Variants in HMG20A observed in about 807,000 individuals in gnomAD.
HMG20A encodes the protein high mobility group protein 20A.
In HMG20A, 17 loss-of-function variants were observed where a neutral mutation model predicts 43.9. The ratio of observed to expected loss-of-function variants is 0.39; its 90% CI spans 0.27 to 0.58. HMG20A has a LOEUF of 0.58. Among genes scored for constraint, HMG20A ranks in the 20% least tolerant of loss-of-function variants. HMG20A has a pLI of 0.59. For synonymous variants in HMG20A, 132 were observed against 147.5 expected, an observed-to-expected ratio of 0.89 and a Z score of 0.76; for missense variants, 341 against 438.2, an observed-to-expected ratio of 0.78 and a Z score of 1.98.
chr15:77,471,861 T>C, intron 6 of HMG20A, 47 bp downstream of exon 6: 3 of 1,118,814 alleles, frequency 2.7e-6, no homozygotes, highest in Non-Finnish European at 3.8e-6. Context: ...TTTATAATAA[T>C]GTTGCTTTTT....
the HMG20A span, among the ~76,000 whole-genome samples, chr15:77,519,548 A>G: frequency 6.6e-6 from 1 of 152,172 alleles, no homozygotes; most frequent in Admixed American, 6.5e-5. Flanking sequence ...ATGTCCTTAT[A>G]AAAGAGGCTC....
intron 1 of HMG20A, among the ~76,000 whole-genome samples, chr15:77,444,600 A>G (rs953206927): frequency 1.3e-5 from 2 of 152,198 alleles, no homozygotes; most frequent in African/African-American, 4.8e-5. Context: ...TTACTATGGT[A>G]GGGTGAGAAC....
At chr15:77,472,234 G>T (rs147914526) in intron 6 of HMG20A, among the ~76,000 whole-genome samples, 1 of 152,258 alleles carries the variant, frequency 6.6e-6, no homozygotes, top group African/African-American at 2.4e-5. Context: ...AATGTCGATA[G>T]AGCACAAGCG....
intron 1 of HMG20A, among the ~76,000 whole-genome samples, chr15:77,422,123 G>C (rs1020679623): frequency 6.6e-6 from 1 of 152,176 alleles, no homozygotes; most frequent in Non-Finnish European, 1.5e-5. Context: ...ATACTTAGAA[G>C]GGTGTGTGTC....
At chr15:77,466,618 TTTC>T (rs1365078546) in intron 3 of HMG20A, among the ~76,000 whole-genome samples, 3 of 152,182 alleles carry the variant, frequency 2.0e-5, no homozygotes, top group Non-Finnish European at 4.4e-5. Context: ...CTACAACTTG[TTTC>T]TTCTTTTGCC....
At chr15:77,501,637 A>T in the HMG20A span, among the ~76,000 whole-genome samples, 1 of 152,218 alleles carries the variant, frequency 6.6e-6, no homozygotes, top group Non-Finnish European at 1.5e-5. Context: ...CTCTAGATTC[A>T]GATATGTGAC....
intron 1 of HMG20A, among the ~76,000 whole-genome samples, chr15:77,437,739 T>C (rs2073564739): frequency 6.6e-6 from 1 of 151,712 alleles, no homozygotes; most frequent in Non-Finnish European, 1.5e-5. Flanking sequence ...ACCTGACTAA[T>C]GTTTGTATTT....
At chr15:77,504,888 T>C in the HMG20A span, among the ~76,000 whole-genome samples, 3 of 152,184 alleles carry the variant, frequency 2.0e-5, no homozygotes, top group South Asian at 2.1e-4. Context: ...TCATCTCCTG[T>C]GTCTATGAGG....
At chr15:77,511,347 C>T in the HMG20A span, among the ~76,000 whole-genome samples, 1 of 152,106 alleles carries the variant, frequency 6.6e-6, no homozygotes, top group Non-Finnish European at 1.5e-5. Flanking sequence ...GCAACAAGCC[C>T]CCAAAATAAA....
At chr15:77,432,895 T>C (rs1376530700) in intron 1 of HMG20A, among the ~76,000 whole-genome samples, 2 of 151,908 alleles carry the variant, frequency 1.3e-5, no homozygotes, top group African/African-American at 4.8e-5. Context: ...TCTTTACAGA[T>C]TCTACAGATG....
intron 9 of HMG20A, among the ~76,000 whole-genome samples, chr15:77,481,047 ACTCATATACATAATTTATATTCT>A (rs1223587216): frequency 1.3e-5 from 2 of 152,188 alleles, no homozygotes; most frequent in African/African-American, 4.8e-5. Context: ...ACATGAGCAC[ACTCATATACATAATTTATATTCT>A]GGTTTGGTTT....
the HMG20A span, among the ~76,000 whole-genome samples, chr15:77,498,970 T>C: frequency 2.0e-5 from 3 of 152,188 alleles, no homozygotes; most frequent in Non-Finnish European, 4.4e-5. Flanking sequence ...TGGCTGGCAT[T>C]CTACTCTTGG....
Position 77,478,406 on chromosome 15 carries a change from A to T in HMG20A, c.803A>T (p.Glu268Val), listed in dbSNP as rs1418587324. ...ATGCGCACAGCAGTGGAGAAGCTGG[A>T]GGTGGATGTGATCCAGGAGCGGAGC... ...ESMRTAVEKL[E>V]VDVIQERSRN... The change falls in exon 8 of 10, where the codon GAG becomes GTG. Residue 268 changes from glutamate to valine, a missense_variant. Glu to Val is a moderately radical substitution (Grantham distance 121). Coordinates refer to ENST00000336216, the MANE Select transcript of HMG20A (RefSeq NM_001304504.2). 2.5e-6 allele frequency: 4 copies of T among 1,613,256 alleles called. No homozygotes were observed. Among genetic ancestry groups the T allele is most frequent in the Admixed American group, 1.7e-5 (1 of 60,010 alleles).
At chr15:77,428,669 C>G (rs1275009839) in intron 1 of HMG20A, among the ~76,000 whole-genome samples, 3 of 152,050 alleles carry the variant, frequency 2.0e-5, no homozygotes, top group African/African-American at 7.2e-5. Context: ...AGATTACACA[C>G]CAAATAAGTG....
intron 1 of HMG20A, among the ~76,000 whole-genome samples, chr15:77,448,811 C>T (rs188547036): frequency 0.032 from 4,838 of 151,966 alleles, 258 homozygotes; most frequent in African/African-American, 0.11. Context: ...AGGCCGGGCG[C>T]GGTGGCTCAC....
chr15:77,506,733 C>T, the HMG20A span, among the ~76,000 whole-genome samples: 1 of 152,250 alleles, frequency 6.6e-6, no homozygotes, highest in African/African-American at 2.4e-5. Flanking sequence ...TGACCTGTTC[C>T]AGCCAAAGGC....
intron 1 of HMG20A, 132 bp downstream of exon 1, chr15:77,421,136 C>G (rs1271476827): frequency 3.0e-5 from 10 of 328,982 alleles, no homozygotes; most frequent in Non-Finnish European, 5.4e-5. Flanking sequence ...GGCGCCTCAA[C>G]TTCCGGTTGG....
Position 77,443,379 on chromosome 15 carries a change from G to GATGATGATGATT in HMG20A, c.-4-15023_-4-15022insGATGATGATTAT, listed in dbSNP as rs576920554. 4.5e-3 allele frequency among the ~76,000 whole-genome samples: 593 copies of GATGATGATGATT among 131,300 alleles called. 3 individuals carry two copies. The highest frequency in any genetic ancestry group is 0.015 in the African/African-American group (538 of 35,320). The allele number at this position is 131,300 out of a possible 152,430, so 86.1% of individuals were successfully genotyped here. ...TGATGATGATGATGATGATGATGAT[G>GATGATGATGATT]ATTATTATTATTATTATTATTATTA... On this transcript the variant is annotated intron_variant, in intron 1 of 9. Coordinates refer to ENST00000336216, the MANE Select transcript of HMG20A (RefSeq NM_001304504.2).
At chr15:77,505,815 G>A in the HMG20A span, among the ~76,000 whole-genome samples, 2 of 152,236 alleles carry the variant, frequency 1.3e-5, no homozygotes, top group Non-Finnish European at 2.9e-5. Flanking sequence ...GCTCCCGGGA[G>A]TAGATGGCAG....
Sources: allele counts gnomAD v4.1 joint callset (sites outside exome capture counted in the v4.1 genomes callset), GRCh38; gene constraint gnomAD v4.1.1; transcripts MANE v1.5; gene names NCBI Gene and HGNC (gene_info 2026-07-23, HGNC 2026-07-21).